The following IPO5 variants were observed in gnomAD, a reference collection of about 807,000 sequenced individuals.
IPO5 encodes importin-5.
Under a neutral mutation model 143.3 loss-of-function variants are expected in IPO5, and 18 were observed. That is an observed-to-expected ratio of 0.13 (90% CI 0.09 to 0.19). The LOEUF (loss-of-function observed/expected upper bound fraction) is 0.19. IPO5 is among the 10% of genes least tolerant of loss of function. The pLI is 1.00. For missense variants in IPO5, 1,013 were observed against 1,336.9 expected (o/e 0.76, Z 3.78); for synonymous variants, 477 against 465.7 (o/e 1.02, Z -0.31).
rs762445883 is a variant in IPO5, at chr13:98,002,855, AT to A, written c.1324-6del. The A allele has an allele frequency of 3.4e-5, 54 of 1,607,122 alleles. No individual in the cohort carries two copies. Among genetic ancestry groups the A allele is most frequent in the South Asian group, 1.3e-4 (12 of 90,056 alleles). On this transcript the variant is annotated splice_polypyrimidine_tract_variant and splice_region_variant and intron_variant, in intron 15 of 28. Transcript: ENST00000651721. ...TCAACATGTGTGCCCATTTGGTTTCATTTCACAGGTGATTGCAGCTCTGCTG... is the reference window on the plus strand; with the variant it reads ...TCAACATGTGTGCCCATTTGGTTTCATTCACAGGTGATTGCAGCTCTGCTG...
At chr13:97,981,147 TTG>T in intron 4 of IPO5, 1 of 398,180 alleles carries the variant, frequency 2.5e-6, no homozygotes, top group Middle Eastern at 3.6e-4. Context: ...GTTTTCAGCA[TTG>T]TTAAGATCCT....
intron 7 of IPO5, 99 bp from the exon 8 acceptor site, chr13:97,990,027 G>A: frequency 1.4e-6 from 1 of 728,008 alleles, no homozygotes; most frequent in South Asian, 1.7e-5. Context: ...AATGCGTACT[G>A]AGTCAGGTAA....
intron 4 of IPO5, among the ~76,000 whole-genome samples, chr13:97,977,675 G>A (rs546081672): frequency 1.1e-4 from 17 of 152,192 alleles, no homozygotes; most frequent in African/African-American, 4.1e-4. Flanking sequence ...AAATATATCT[G>A]TAAGCTCATT....
chr13:97,997,475 TGATATGGATAA>T (rs1372174268), intron 11 of IPO5, 45 bp from the exon 12 acceptor site: 22 of 883,854 alleles, frequency 2.5e-5, no homozygotes, highest in Admixed American at 2.3e-4. Context: ...TTATAAATAG[TGATATGGATAA>T]GATAAAGTCA....
intron 2 of IPO5, among the ~76,000 whole-genome samples, chr13:97,964,419 C>T (rs1474319192): frequency 6.7e-6 from 1 of 149,990 alleles, no homozygotes; most frequent in Non-Finnish European, 1.5e-5. Flanking sequence ...TATGACTAGC[C>T]AGTTTTCCCA....
intron 11 of IPO5, among the ~76,000 whole-genome samples, chr13:97,997,054 A>AC (rs1261381224): frequency 6.6e-6 from 1 of 152,238 alleles, no homozygotes; most frequent in African/African-American, 2.4e-5. Flanking sequence ...AGTGGGTAGT[A>AC]TGTTTATATA....
intron 12 of IPO5, among the ~76,000 whole-genome samples, chr13:97,998,033 T>C (rs1342181344): frequency 6.6e-6 from 1 of 152,236 alleles, no homozygotes; most frequent in Non-Finnish European, 1.5e-5. Context: ...TGGAGTGCAG[T>C]GGCGCGATCT....
At chr13:97,985,646 A>G (rs1267509786) in intron 6 of IPO5, 33 bp downstream of exon 6, 2 of 1,463,110 alleles carry the variant, frequency 1.4e-6, no homozygotes, top group African/African-American at 1.5e-5. Context: ...GTTACCAAGA[A>G]CATGGGTATA....
intron 2 of IPO5, among the ~76,000 whole-genome samples, chr13:97,968,531 T>C (rs1310332942): frequency 1.3e-5 from 2 of 152,106 alleles, no homozygotes; most frequent in South Asian, 2.1e-4. Context: ...TCTGTCAGGT[T>C]TTGCTTTATG....
intron 24 of IPO5, among the ~76,000 whole-genome samples, chr13:98,016,145 T>C (rs2139856880): frequency 6.6e-6 from 1 of 152,276 alleles, no homozygotes; most frequent in Middle Eastern, 3.4e-3. Flanking sequence ...CTGTTGACGG[T>C]CTGGGGCCTT....
intron 13 of IPO5, chr13:98,001,513 T>C (rs1888774605): frequency 6.6e-6 from 1 of 152,168 alleles, no homozygotes; most frequent in Non-Finnish European, 1.5e-5. Flanking sequence ...AATCCCACTC[T>C]GTCAAACAGG....
At chr13:98,017,183 A>G (rs1890172068) in intron 25 of IPO5, among the ~76,000 whole-genome samples, 1 of 152,032 alleles carries the variant, frequency 6.6e-6, no homozygotes, top group South Asian at 2.1e-4. Flanking sequence ...AGTGGACCAT[A>G]GATAATTCAA....
At chr13:97,996,502 C>T (rs917741109) in intron 11 of IPO5, among the ~76,000 whole-genome samples, 2 of 152,148 alleles carry the variant, frequency 1.3e-5, no homozygotes, top group African/African-American at 4.8e-5. Context: ...CTTATTCCAC[C>T]CCCAGGGCAC....
rs1284587461 is a variant in IPO5 at position 98,019,764 on chromosome 13, A to G, written c.3020A>G (p.Glu1007Gly). The G allele has an allele frequency of 6.2e-7, 1 of 1,614,058 alleles. No individual in the cohort carries two copies. Residue 1007 changes from glutamate to glycine, a missense_variant, in exon 27 of 29, where the codon GAA becomes GGA. Physicochemically the swap from Glu to Gly is moderately conservative, Grantham distance 98 (BLOSUM62 -2). Coordinates refer to ENST00000651721, the MANE Select transcript of IPO5 (RefSeq NM_002271.6). Reference sequence around the variant, plus strand: ...TGGCTTCCACTACATGAAGATAAAGAAGAAGCTGTTCAGACTTTCAATTAT... The same window carrying G: ...TGGCTTCCACTACATGAAGATAAAGGAGAAGCTGTTCAGACTTTCAATTAT... ...LSWLPLHEDK[E>G]EAVQTFNYLC...
chr13:97,982,264 A>G lies in IPO5; in HGVS notation c.91-239A>G, dbSNP rs972650576. 9.9e-6 allele frequency: 4 copies of G among 404,502 alleles called. No homozygotes were observed. The South Asian group carries it at 2.1e-4, about 21-fold the overall frequency. The allele number at this position is 404,502 out of a possible 1,614,324, so 25.1% of individuals were successfully genotyped here. Reference sequence around the variant, plus strand: ...ACCAGGGAGCATAAGTTGGGAAAACATGCACACACATTAGAAACATTTGTT... The same window carrying G: ...ACCAGGGAGCATAAGTTGGGAAAACGTGCACACACATTAGAAACATTTGTT... On this transcript the variant is annotated intron_variant, in intron 4 of 28. Coordinates refer to ENST00000651721, the MANE Select transcript of IPO5 (RefSeq NM_002271.6).
At chr13:97,957,807 A>T (rs1420620290) in intron 2 of IPO5, among the ~76,000 whole-genome samples, 1 of 152,112 alleles carries the variant, frequency 6.6e-6, no homozygotes, top group East Asian at 1.9e-4. Flanking sequence ...TTATCTCTGA[A>T]GATTTCAGAA....
intron 9 of IPO5, among the ~76,000 whole-genome samples, chr13:97,991,371 C>T (rs1377934233): frequency 2.0e-5 from 3 of 152,120 alleles, no homozygotes; most frequent in Non-Finnish European, 2.9e-5. Context: ...AATGCAATAG[C>T]TAAAACTGGA....
chr13:97,963,344 G>C (rs368836523), intron 2 of IPO5: 1 of 151,670 alleles, frequency 6.6e-6, no homozygotes, highest in South Asian at 2.1e-4. Context: ...TCCTTATGCC[G>C]GTAACACTTG....
chr13:97,978,030 G>C (rs1196435387), intron 4 of IPO5, among the ~76,000 whole-genome samples: 1 of 152,020 alleles, frequency 6.6e-6, no homozygotes, highest in African/African-American at 2.4e-5. Flanking sequence ...TACACTTAGG[G>C]GTTTTATATT....
Sources: allele counts gnomAD v4.1 joint callset (sites outside exome capture counted in the v4.1 genomes callset), GRCh38; gene constraint gnomAD v4.1.1; transcripts MANE v1.5; gene names NCBI Gene and HGNC (gene_info 2026-07-23, HGNC 2026-07-21).